The following RABGAP1L variants were observed in gnomAD, a reference collection of about 807,000 sequenced individuals.
RABGAP1L encodes the protein RAB GTPase activating protein 1 like.
Under a neutral mutation model 137.7 loss-of-function variants are expected in RABGAP1L, and 63 were observed. The ratio of observed to expected loss-of-function variants is 0.46; its 90% CI spans 0.37 to 0.56. The LOEUF is 0.56. Among genes scored for constraint, RABGAP1L ranks in the 20% least tolerant of loss-of-function variants. The pLI is 0.00. For missense variants in RABGAP1L, 1,095 were observed against 1,244.0 expected (o/e 0.88, Z 1.80); for synonymous variants, 431 against 433.7 (o/e 0.99, Z 0.08).
chr1:174,764,499 G>A (rs1411455302), intron 18 of RABGAP1L, among the ~76,000 whole-genome samples: 9 of 152,210 alleles, frequency 5.9e-5, no homozygotes, highest in Admixed American at 4.6e-4. Flanking sequence ...GCAGAAATCA[G>A]GAAGGCCTCC....
At chr1:174,466,179 G>A (rs1657274784) in intron 13 of RABGAP1L, among the ~76,000 whole-genome samples, 1 of 152,152 alleles carries the variant, frequency 6.6e-6, no homozygotes, top group African/African-American at 2.4e-5. Flanking sequence ...GAACATAGTT[G>A]CAGGGCTTTG....
At chr1:174,403,950 T>G (rs1182073428) in intron 13 of RABGAP1L, among the ~76,000 whole-genome samples, 4 of 152,144 alleles carry the variant, frequency 2.6e-5, no homozygotes, top group Non-Finnish European at 5.9e-5. Context: ...CACTCCTAAA[T>G]ACTGTGTTAT....
intron 11 of RABGAP1L, among the ~76,000 whole-genome samples, chr1:174,347,494 TG>T (rs372781134): frequency 0.21 from 31,629 of 149,214 alleles, 3,853 homozygotes; most frequent in African/African-American, 0.35. Flanking sequence ...TGTGTGTGTG[TG>T]TGTGTTTTTT....
chr1:174,221,251 A>G, intron 3 of RABGAP1L, 87 bp downstream of exon 3: 4 of 1,093,990 alleles, frequency 3.7e-6, no homozygotes, highest in Non-Finnish European at 5.1e-6. Context: ...AAAAATTGTT[A>G]GCTCTTCTCA....
chr1:174,845,198 C>T (rs1344347046), intron 19 of RABGAP1L, among the ~76,000 whole-genome samples: 3 of 107,782 alleles, frequency 2.8e-5, no homozygotes, highest in Non-Finnish European at 6.3e-5. Context: ...TCCTCTTTTC[C>T]TAATTGAATA....
chr1:174,703,736 C>G (rs1679842384), intron 17 of RABGAP1L, among the ~76,000 whole-genome samples: 1 of 152,188 alleles, frequency 6.6e-6, no homozygotes, highest in African/African-American at 2.4e-5. Context: ...TACATCCTCA[C>G]TAACATCTGT....
intron 13 of RABGAP1L, among the ~76,000 whole-genome samples, chr1:174,428,804 A>T (rs1652263234): frequency 2.0e-5 from 3 of 152,212 alleles, no homozygotes. Context: ...GGAGATATAC[A>T]ATTAAATGCA....
At chr1:174,588,588 C>T (rs1190302453) in intron 13 of RABGAP1L, among the ~76,000 whole-genome samples, 1 of 152,214 alleles carries the variant, frequency 6.6e-6, no homozygotes, top group Non-Finnish European at 1.5e-5. Context: ...AACATCTCCA[C>T]TTTGCCCCCA....
At chr1:174,585,241 A>G (rs192863271) in intron 13 of RABGAP1L, among the ~76,000 whole-genome samples, 1 of 152,228 alleles carries the variant, frequency 6.6e-6, no homozygotes, top group East Asian at 1.9e-4. Flanking sequence ...TCTTTTTGAC[A>G]GTATTGATTC....
intron 13 of RABGAP1L, among the ~76,000 whole-genome samples, chr1:174,534,775 CAAAAAAAAAAAAA>C (rs71117567): frequency 2.0e-4 from 14 of 71,612 alleles, no homozygotes; most frequent in Admixed American, 1.1e-3. Flanking sequence ...ACTCTGTCTC[CAAAAAAAAAAAAA>C]AAAAAAAAAA....
chr1:174,448,637 T>G lies in RABGAP1L; in HGVS notation c.1710+54492T>G, dbSNP rs1655071806. 5.0e-6 allele frequency: 8 copies of G among 1,614,016 alleles called. No individual in the cohort carries two copies. The highest frequency in any genetic ancestry group is 2.2e-5 in the South Asian group (2 of 91,078). On this transcript the variant is annotated intron_variant, in intron 13 of 25. Coordinates refer to ENST00000681986, the MANE Select transcript of RABGAP1L (RefSeq NM_001366446.1). This position sits in a 1 kb window ranked among gnomAD's most constrained non-coding sequence, Gnocchi z 4.2. ...CTACTCCTGCCTAATTTTCTTGCCT[T>G]CCTTTTTTGGCTGGGGGAAACCTGG...
chr1:174,305,806 T>G (rs1439506135), intron 11 of RABGAP1L, among the ~76,000 whole-genome samples: 1 of 152,194 alleles, frequency 6.6e-6, no homozygotes, highest in Non-Finnish European at 1.5e-5. Flanking sequence ...AGGGTACATG[T>G]GCACAACGTG....
chr1:174,170,632 G>T (rs944611378), intron 1 of RABGAP1L, among the ~76,000 whole-genome samples: 2 of 139,748 alleles, frequency 1.4e-5, no homozygotes, highest in Admixed American at 7.8e-5. Context: ...CCGAGATTGC[G>T]CCACTGCACT....
At chr1:174,889,151 T>C (rs1167088897) in intron 19 of RABGAP1L, among the ~76,000 whole-genome samples, 1 of 150,402 alleles carries the variant, frequency 6.6e-6, no homozygotes, top group African/African-American at 2.4e-5. Context: ...TGAGATGGAG[T>C]CTCGCTCTGT....
chr1:174,566,456 G>A (rs1667594487), intron 13 of RABGAP1L, among the ~76,000 whole-genome samples: 1 of 152,122 alleles, frequency 6.6e-6, no homozygotes, highest in South Asian at 2.1e-4. Context: ...CATGGTTGAT[G>A]TTTTGTGGCA....
In RABGAP1L at chr1:174,709,177, G is replaced by C. The variant is rs929535106; in HGVS notation, c.2169+6921G>C. 6.6e-5 allele frequency among the ~76,000 whole-genome samples: 10 copies of C among 152,346 alleles called. 1 individual carries two copies. The highest frequency in any genetic ancestry group is 5.9e-4 in the Admixed American group (9 of 15,304). ...GAAAGAAAGGCAGCAGCCCCAGTCA[G>C]AGGCTTATAGATAAAACTCCCATCT... is the stretch of plus-strand genomic sequence containing the variant. On this transcript the variant is annotated intron_variant, in intron 17 of 25. Coordinates refer to ENST00000681986, the MANE Select transcript of RABGAP1L (RefSeq NM_001366446.1).
rs569518708 is a variant in RABGAP1L, at chr1:174,972,844, ACT to A, written c.2545-3231_2545-3230del. Among the ~76,000 whole-genome samples, 59 of 103,746 alleles carry A rather than the reference ACT, an allele frequency of 5.7e-4. No homozygotes were observed. In the South Asian group the frequency reaches 0.019, roughly 34 times the overall value. 68.1% of individuals were successfully genotyped at this position (103,746 alleles called of 152,430 possible). The stretch of plus-strand genomic sequence containing the variant: ...ACTCCAGCCTGGGTGACAGAGCGAG[ACT>A]CTGTCTCAAAAAAAAAAAAAAAAAA... On this transcript the variant is annotated intron_variant, in intron 21 of 25. Transcript: ENST00000681986.
At position 174,250,615 on chromosome 1, in the gene RABGAP1L, T is replaced by C; in HGVS notation, c.858T>C (p.Asp286=). ...FSVSLEVKED[D]GKGNFSPVPK... is the part of the protein sequence containing the mutation. Reference sequence around the variant, plus strand: ...TCTCCTTGGAGGTAAAAGAAGACGATGGAAAAGGAAACTTTAGGTGAGGCA... The same window carrying C: ...TCTCCTTGGAGGTAAAAGAAGACGACGGAAAAGGAAACTTTAGGTGAGGCA... The change falls in exon 6 of 26, where the codon GAT becomes GAC. Residue 286 remains aspartate, a synonymous_variant. Transcript: ENST00000681986. 1 of 1,613,112 alleles carries C rather than the reference T, an allele frequency of 6.2e-7. No individual in the cohort carries two copies. Among genetic ancestry groups the C allele is most frequent in the South Asian group, 1.1e-5 (1 of 90,840 alleles).
intron 13 of RABGAP1L, among the ~76,000 whole-genome samples, chr1:174,559,727 G>A (rs769205593): frequency 3.9e-5 from 6 of 152,158 alleles, no homozygotes; most frequent in Non-Finnish European, 5.9e-5. Flanking sequence ...GAGAAACAGG[G>A]TTAGTAAAGC....
Sources: allele counts gnomAD v4.1 joint callset (sites outside exome capture counted in the v4.1 genomes callset), GRCh38; gene constraint gnomAD v4.1.1; non-coding constraint Gnocchi (gnomAD v3.1); transcripts MANE v1.5; gene names NCBI Gene and HGNC (gene_info 2026-07-23, HGNC 2026-07-21).